NFIA: variants seen among roughly 807,000 people sequenced by gnomAD.
The protein encoded by NFIA is nuclear factor 1 A-type.
A neutral mutation model predicts 62.8 loss-of-function variants in NFIA; 8 were observed. The observed-to-expected ratio is 0.13, with a 90% CI of 0.07 to 0.23. The LOEUF is 0.23. Among genes scored for constraint, NFIA ranks in the 10% least tolerant of loss-of-function variants. The probability of loss-of-function intolerance (pLI) is 1.00; values close to 1 mark genes in which losing one functional copy is unlikely to be tolerated. For missense variants in NFIA, 410 were observed against 642.1 expected (o/e 0.64, Z 3.91); for synonymous variants, 235 against 238.1 (o/e 0.99, Z 0.12).
chr1:61,276,027 G>A (rs1031079484), intron 2 of NFIA, among the ~76,000 whole-genome samples: 1 of 151,922 alleles, frequency 6.6e-6, no homozygotes, highest in Non-Finnish European at 1.5e-5. Flanking sequence ...AATACATTTT[G>A]TTTGTGTCTT....
At chr1:61,272,689 T>A (rs544211084) in intron 2 of NFIA, among the ~76,000 whole-genome samples, 10 of 152,338 alleles carry the variant, frequency 6.6e-5, no homozygotes, top group African/African-American at 2.4e-4. Flanking sequence ...CTTATTACAC[T>A]CAGAGTGTAA....
chr1:61,403,987 C>A, intron 7 of NFIA, 117 bp from the exon 8 acceptor site: 1 of 1,199,500 alleles, frequency 8.3e-7, no homozygotes, highest in Non-Finnish European at 1.2e-6. Flanking sequence ...AATTCAGTCA[C>A]ATGAGCAATA....
chr1:61,329,041 CTTTTTTTCTTTTTTTT>C (rs1409728824), intron 3 of NFIA, among the ~76,000 whole-genome samples: 1 of 145,138 alleles, frequency 6.9e-6, no homozygotes, highest in Non-Finnish European at 1.5e-5. Flanking sequence ...TAATTTTTTT[CTTTTTTTCTTTTTTTT>C]TTTTTTTTGA....
intron 4 of NFIA, among the ~76,000 whole-genome samples, chr1:61,338,317 A>T (rs1030859457): frequency 6.6e-6 from 1 of 152,158 alleles, no homozygotes; most frequent in Non-Finnish European, 1.5e-5. Flanking sequence ...CGGGTCCACT[A>T]CAGGATTCCT....
intron 10 of NFIA, among the ~76,000 whole-genome samples, chr1:61,446,925 C>T (rs955944423): frequency 6.6e-6 from 1 of 152,170 alleles, no homozygotes; most frequent in Non-Finnish European, 1.5e-5. Flanking sequence ...TCCACTCCCA[C>T]GCCTCTCTTT....
At chr1:61,368,219 C>T (rs1225790738) in intron 6 of NFIA, among the ~76,000 whole-genome samples, 2 of 152,108 alleles carry the variant, frequency 1.3e-5, no homozygotes, top group Non-Finnish European at 2.9e-5. Context: ...GAAGGAGATG[C>T]AGTGTATACA....
intron 3 of NFIA, among the ~76,000 whole-genome samples, chr1:61,283,789 ACAATATTATATTG>A (rs1658314546): frequency 6.6e-6 from 1 of 152,026 alleles, no homozygotes; most frequent in African/African-American, 2.4e-5. Flanking sequence ...TAGATATATT[ACAATATTATATTG>A]CAATATTTAT....
intron 6 of NFIA, among the ~76,000 whole-genome samples, chr1:61,362,728 A>G (rs1290331617): frequency 1.3e-5 from 2 of 152,236 alleles, no homozygotes; most frequent in African/African-American, 2.4e-5. Flanking sequence ...AGACAACTTC[A>G]GAATGACTTT....
At chr1:61,316,961 GTTAATA>G (rs1279977566) in intron 3 of NFIA, among the ~76,000 whole-genome samples, 1 of 152,080 alleles carries the variant, frequency 6.6e-6, no homozygotes, top group East Asian at 1.9e-4. Context: ...TGCATTTAGT[GTTAATA>G]TTAATTGCTT....
At chr1:61,115,025 G>A (rs1646772612) in intron 2 of NFIA, among the ~76,000 whole-genome samples, 1 of 152,124 alleles carries the variant, frequency 6.6e-6, no homozygotes, top group African/African-American at 2.4e-5. Context: ...TGTCACCCAG[G>A]CTGGAGTGCA....
intron 2 of NFIA, among the ~76,000 whole-genome samples, chr1:61,177,653 T>TTG (rs56299869): frequency 0.065 from 9,553 of 146,028 alleles, 377 homozygotes; most frequent in African/African-American, 0.098. Context: ...GTTTTCTCTA[T>TTG]TGTGTGTGTG....
chr1:61,271,701 A>G (rs1181138640), intron 2 of NFIA, among the ~76,000 whole-genome samples: 3 of 152,206 alleles, frequency 2.0e-5, no homozygotes, highest in Non-Finnish European at 4.4e-5. Flanking sequence ...TTTTGGAGCT[A>G]GGAGTTCCCC....
chr1:61,346,149 C>T (rs1292404309), intron 4 of NFIA, among the ~76,000 whole-genome samples: 2 of 152,234 alleles, frequency 1.3e-5, no homozygotes, highest in Admixed American at 1.3e-4. Flanking sequence ...GAAAATGTTA[C>T]ATATGAGACA....
At chr1:61,314,750 T>C (rs923945088) in intron 3 of NFIA, among the ~76,000 whole-genome samples, 4 of 152,192 alleles carry the variant, frequency 2.6e-5, no homozygotes, top group Admixed American at 2.0e-4. Flanking sequence ...TCAGTATTTA[T>C]TGAGGCCTAC....
chr1:61,126,486 A>G (rs996195613), intron 2 of NFIA, among the ~76,000 whole-genome samples: 1 of 150,460 alleles, frequency 6.6e-6, no homozygotes, highest in Non-Finnish European at 1.5e-5. Context: ...TCACAGAAAT[A>G]TCCTCTTATT....
chr1:61,251,597 GAT>G (rs1656043718), intron 2 of NFIA, among the ~76,000 whole-genome samples: 1 of 152,132 alleles, frequency 6.6e-6, no homozygotes, highest in Admixed American at 6.5e-5. Context: ...ATTGCTAAAA[GAT>G]TGATCTTAAG....
At chr1:61,216,092 G>GT (rs1653607420) in intron 2 of NFIA, among the ~76,000 whole-genome samples, 3 of 152,334 alleles carry the variant, frequency 2.0e-5, no homozygotes, top group African/African-American at 4.8e-5. Context: ...TGTAAACCAT[G>GT]TTGTAGTGAC....
intron 7 of NFIA, among the ~76,000 whole-genome samples, chr1:61,391,663 T>C (rs1324913217): frequency 1.3e-5 from 2 of 152,180 alleles, no homozygotes; most frequent in East Asian, 3.9e-4. Context: ...AGTTTTTCTC[T>C]CCAAACTAAG....
chr1:61,440,671 T>TTTTTC (rs1195528285), intron 10 of NFIA, among the ~76,000 whole-genome samples: 1 of 152,142 alleles, frequency 6.6e-6, no homozygotes, highest in Non-Finnish European at 1.5e-5. Context: ...GATGCTTTTT[T>TTTTTC]TTTTCTTTTC....
Sources: allele counts gnomAD v4.1 joint callset (sites outside exome capture counted in the v4.1 genomes callset), GRCh38; gene constraint gnomAD v4.1.1; transcripts MANE v1.5; gene names NCBI Gene and HGNC (gene_info 2026-07-23, HGNC 2026-07-21).